The following INPP4B variants were observed in gnomAD, a reference collection of about 807,000 sequenced individuals.
The protein encoded by INPP4B is inositol polyphosphate-4-phosphatase type II B, also known as inositol polyphosphate 4-phosphatase type II.
A neutral mutation model predicts 122.5 loss-of-function variants in INPP4B; 55 were observed. The ratio of observed to expected loss-of-function variants is 0.45; its 90% confidence interval spans 0.36 to 0.56. The LOEUF is 0.56. Ranked by LOEUF, INPP4B falls within the 20% of genes least tolerant of loss-of-function variation. The pLI is 0.00. For missense variants in INPP4B, 1,000 were observed against 1,097.7 expected (o/e 0.91, Z 1.26); for synonymous variants, 403 against 388.7 (o/e 1.04, Z -0.43).
At chr4:142,679,834 T>G (rs897129224) in intron 2 of INPP4B, among the ~76,000 whole-genome samples, 2 of 151,696 alleles carry the variant, frequency 1.3e-5, no homozygotes. Flanking sequence ...GAATTATCTC[T>G]CAGTCAGGCA....
chr4:142,054,406 A>AAACTT (rs1410023564), intron 25 of INPP4B, among the ~76,000 whole-genome samples: 1 of 152,054 alleles, frequency 6.6e-6, no homozygotes, highest in Non-Finnish European at 1.5e-5. Flanking sequence ...CCTGGGAATT[A>AAACTT]AACTTAAATT....
At chr4:142,624,436 T>C (rs1745802127) in intron 2 of INPP4B, among the ~76,000 whole-genome samples, 1 of 151,930 alleles carries the variant, frequency 6.6e-6, no homozygotes, top group Non-Finnish European at 1.5e-5. Context: ...TCTTGTAAAT[T>C]TGTTTGAGTT....
intron 1 of INPP4B, among the ~76,000 whole-genome samples, chr4:142,733,537 T>C (rs1460675667): frequency 6.6e-6 from 1 of 152,126 alleles, no homozygotes; most frequent in African/African-American, 2.4e-5. Context: ...CCCTCACCTT[T>C]ATTAGTCTTT....
intron 10 of INPP4B, among the ~76,000 whole-genome samples, chr4:142,262,646 C>A (rs192997323): frequency 3.5e-4 from 53 of 152,256 alleles, no homozygotes; most frequent in Admixed American, 3.1e-3. Flanking sequence ...CTGTGTCTCT[C>A]TGGTTCATTG....
chr4:142,557,191 G>A (rs1729389557), intron 2 of INPP4B, among the ~76,000 whole-genome samples: 1 of 152,142 alleles, frequency 6.6e-6, no homozygotes, highest in Non-Finnish European at 1.5e-5. Context: ...CTCCAGGGTA[G>A]GGCAGCTGAT....
At chr4:142,432,957 G>A (rs879896492) in intron 3 of INPP4B, among the ~76,000 whole-genome samples, 7 of 152,134 alleles carry the variant, frequency 4.6e-5, no homozygotes, top group Non-Finnish European at 1.0e-4. Context: ...GAAGACTGAC[G>A]TAAGATGTCT....
chr4:142,336,607 G>A (rs79147335), intron 7 of INPP4B, among the ~76,000 whole-genome samples: 1,639 of 152,370 alleles, frequency 0.011, 36 homozygotes, highest in African/African-American at 0.038. Context: ...CTGGGGCTTC[G>A]CAGTTGCTGG....
chr4:142,845,754 G>T (rs1462504182), intron 1 of INPP4B, among the ~76,000 whole-genome samples: 2 of 151,830 alleles, frequency 1.3e-5, no homozygotes, highest in Admixed American at 6.6e-5. Flanking sequence ...CGGCGGCGGC[G>T]GCAGCTTGCG....
intron 15 of INPP4B, among the ~76,000 whole-genome samples, chr4:142,181,446 G>A (rs1227707796): frequency 6.6e-6 from 1 of 152,002 alleles, no homozygotes; most frequent in African/African-American, 2.4e-5. Flanking sequence ...TTTATCTGTG[G>A]CATTCTAACT....
At chr4:142,237,130 G>T (rs1015572588) in intron 12 of INPP4B, among the ~76,000 whole-genome samples, 2 of 152,020 alleles carry the variant, frequency 1.3e-5, no homozygotes, top group Non-Finnish European at 2.9e-5. Flanking sequence ...GTACAATACT[G>T]TCCATTAGCA....
chr4:142,788,361 C>G (rs570697215), intron 1 of INPP4B, among the ~76,000 whole-genome samples: 1 of 152,026 alleles, frequency 6.6e-6, no homozygotes, highest in Non-Finnish European at 1.5e-5. Flanking sequence ...AAACCTGATA[C>G]TAAAATGTGG....
At chr4:142,665,892 A>C (rs1021310693) in intron 2 of INPP4B, among the ~76,000 whole-genome samples, 1 of 152,190 alleles carries the variant, frequency 6.6e-6, no homozygotes, top group African/African-American at 2.4e-5. Context: ...ATAGCACTGA[A>C]CTATGTTTTC....
intron 25 of INPP4B, among the ~76,000 whole-genome samples, chr4:142,062,981 T>C (rs1328003963): frequency 6.6e-6 from 1 of 152,196 alleles, no homozygotes; most frequent in Non-Finnish European, 1.5e-5. Context: ...AATTTTTGTT[T>C]AACGTTGAAA....
intron 1 of INPP4B, among the ~76,000 whole-genome samples, chr4:142,831,813 AT>A (rs1263095512): frequency 6.6e-6 from 1 of 152,182 alleles, no homozygotes; most frequent in African/African-American, 2.4e-5. Flanking sequence ...ATAGAAAGAG[AT>A]TTAATCCATG....
intron 7 of INPP4B, among the ~76,000 whole-genome samples, chr4:142,351,111 G>A (rs953335564): frequency 6.6e-6 from 1 of 152,000 alleles, no homozygotes; most frequent in Non-Finnish European, 1.5e-5. Flanking sequence ...AACATTTGCA[G>A]TACTATTGCA....
In INPP4B at chr4:142,543,076, T is replaced by C. The variant is rs558746498; in HGVS notation, c.-190-80350A>G. ...AGGTTCTAAAATTACATTAACAGAA[T>C]TGGAACCTATTTCTCAAAGTATTGA... On this transcript the variant is annotated intron_variant, in intron 2 of 25. Transcript: ENST00000262992. 6.6e-5 allele frequency among the ~76,000 whole-genome samples: 10 copies of C among 152,308 alleles called. 1 individual carries two copies. In the South Asian group the frequency reaches 2.1e-3, roughly 32 times the overall value.
rs115983911 is a variant in INPP4B, at chr4:142,553,856, C to A, written c.-190-91130G>T. Among the ~76,000 whole-genome samples the A allele has an allele frequency of 5.1e-3, 776 of 152,214 alleles. 6 individuals carry two copies. The highest frequency in any genetic ancestry group is 0.018 in the African/African-American group (757 of 41,534). On this transcript the variant is annotated intron_variant, in intron 2 of 25. Transcript: ENST00000262992. ...CCTTGATTTTCTTATGTGTTCATTTCTCAATGAATGGCTGCACCGTCAGTC... is the reference window on the plus strand; with the variant it reads ...CCTTGATTTTCTTATGTGTTCATTTATCAATGAATGGCTGCACCGTCAGTC...
chr4:142,548,361 C>T (rs1727122850), intron 2 of INPP4B, among the ~76,000 whole-genome samples: 1 of 152,094 alleles, frequency 6.6e-6, no homozygotes, highest in Non-Finnish European at 1.5e-5. Flanking sequence ...AGAATATAAA[C>T]ATCCAAACAG....
At chr4:142,406,229 C>T (rs1217075137) in intron 5 of INPP4B, among the ~76,000 whole-genome samples, 1 of 152,148 alleles carries the variant, frequency 6.6e-6, no homozygotes, top group African/African-American at 2.4e-5. Flanking sequence ...TTAAATTCGG[C>T]TGGTGGCTTG....
Sources: gnomAD v4.1 joint callset for allele counts (sites outside exome capture counted in the v4.1 genomes callset) on GRCh38, gnomAD v4.1.1 for gene constraint, MANE v1.5 for transcripts, NCBI Gene and HGNC (gene_info 2026-07-23, HGNC 2026-07-21) for gene names.